The following SUCLG2 variants were observed in gnomAD, a reference collection of about 807,000 sequenced individuals.
The protein encoded by SUCLG2 is succinate--CoA ligase [GDP-forming] subunit beta, mitochondrial.
A neutral mutation model predicts 47.9 loss-of-function variants in SUCLG2; 42 were observed. That is an observed-to-expected ratio of 0.88 (90% CI 0.69 to 1.14). SUCLG2 has a LOEUF of 1.14. SUCLG2 is among the 50% of genes most tolerant of loss of function. The probability of loss-of-function intolerance (pLI) is 0.00; values close to 1 mark genes in which losing one functional copy is unlikely to be tolerated. For missense variants in SUCLG2, 571 were observed against 525.9 expected (o/e 1.09, Z -0.84); for synonymous variants, 195 against 197.3 (o/e 0.99, Z 0.10).
At chr3:67,386,491 T>G (rs1258421015) in intron 10 of SUCLG2, among the ~76,000 whole-genome samples, 1 of 152,092 alleles carries the variant, frequency 6.6e-6, no homozygotes, top group Non-Finnish European at 1.5e-5. Context: ...TATCCAACAC[T>G]GGGTAATTGA....
intron 2 of SUCLG2, among the ~76,000 whole-genome samples, chr3:67,574,430 T>C (rs989727292): frequency 3.9e-5 from 6 of 152,228 alleles, no homozygotes; most frequent in African/African-American, 1.2e-4. Context: ...CTTACATTTA[T>C]AGTCAATTGA....
At chr3:67,446,586 C>T (rs1333622529) in intron 9 of SUCLG2, among the ~76,000 whole-genome samples, 12 of 150,696 alleles carry the variant, frequency 8.0e-5, no homozygotes, top group East Asian at 3.9e-4. Context: ...CCTGCCACCA[C>T]GCCTGGCTAA....
chr3:67,470,835 G>T (rs1004157577), intron 9 of SUCLG2, among the ~76,000 whole-genome samples: 2 of 152,190 alleles, frequency 1.3e-5, no homozygotes, highest in African/African-American at 4.8e-5. Context: ...GTTCTCAGTT[G>T]CCACCACTTA....
At chr3:67,556,026 G>A (rs1048915332) in intron 2 of SUCLG2, among the ~76,000 whole-genome samples, 1 of 152,182 alleles carries the variant, frequency 6.6e-6, no homozygotes, top group Non-Finnish European at 1.5e-5. Flanking sequence ...CCTGATTCTG[G>A]CCATGTGGAG....
intron 2 of SUCLG2, among the ~76,000 whole-genome samples, chr3:67,601,579 G>A (rs1928564): frequency 0.39 from 58,627 of 151,946 alleles, 11,583 homozygotes; most frequent in Non-Finnish European, 0.41. Context: ...AATGGGGTGA[G>A]TCAAAGGCCC....
chr3:67,432,213 T>C (rs948366830), intron 9 of SUCLG2, among the ~76,000 whole-genome samples: 27 of 152,130 alleles, frequency 1.8e-4, no homozygotes, highest in African/African-American at 6.3e-4. Context: ...CCAGCAACAG[T>C]GGGTTGCTAG....
Position 67,610,508 on chromosome 3 carries a change from G to GAA in SUCLG2, c.85-914_85-913dup, listed in dbSNP as rs796945028. 9.6e-4 allele frequency among the ~76,000 whole-genome samples: 119 copies of GAA among 124,310 alleles called. 2 individuals are homozygous for GAA. The highest frequency in any genetic ancestry group is 2.8e-3 in the African/African-American group (97 of 34,170). 81.6% of individuals were successfully genotyped at this position (124,310 alleles called of 152,430 possible). A position where few individuals can be genotyped will look rare whatever the true frequency, so the allele number is the denominator to read the frequency against. On this transcript the variant is annotated intron_variant, in intron 1 of 10. Coordinates refer to ENST00000307227, the MANE Select transcript of SUCLG2 (RefSeq NM_003848.4). ...CTGTAAGCCCCATTTTTAAAAGAAG[G>GAA]AAAAAAAAAAAAAACCAGGAAAAAT...
intron 1 of SUCLG2, among the ~76,000 whole-genome samples, chr3:67,648,116 C>A (rs1375928510): frequency 6.6e-6 from 1 of 152,204 alleles, no homozygotes; most frequent in Non-Finnish European, 1.5e-5. Flanking sequence ...TTGTAACTAT[C>A]TGTGCAAATG....
intron 1 of SUCLG2, among the ~76,000 whole-genome samples, chr3:67,635,665 C>T (rs1700997704): frequency 1.3e-5 from 2 of 152,154 alleles, no homozygotes; most frequent in African/African-American, 4.8e-5. Context: ...CCCCCAGTTT[C>T]CCGCTGCTTA....
intron 10 of SUCLG2, among the ~76,000 whole-genome samples, chr3:67,395,397 A>G (rs1454930451): frequency 6.6e-6 from 1 of 152,248 alleles, no homozygotes; most frequent in African/African-American, 2.4e-5. Context: ...AACAGACTTT[A>G]AACCAACAAA....
intron 9 of SUCLG2, among the ~76,000 whole-genome samples, chr3:67,434,860 G>C (rs1287946449): frequency 6.6e-6 from 1 of 152,128 alleles, no homozygotes; most frequent in Admixed American, 6.5e-5. Flanking sequence ...ACCCAAAAGG[G>C]CTGGGTCAAG....
intron 10 of SUCLG2, among the ~76,000 whole-genome samples, chr3:67,364,487 G>A (rs771355813): frequency 2.6e-5 from 4 of 152,034 alleles, no homozygotes. Context: ...GTGGGGCCAT[G>A]AGGGAGTGCA....
chr3:67,368,216 TCTC>T (rs1360131728), intron 10 of SUCLG2, among the ~76,000 whole-genome samples: 1 of 152,190 alleles, frequency 6.6e-6, no homozygotes, highest in Non-Finnish European at 1.5e-5. Context: ...TAAAATTTCT[TCTC>T]CTCTGCATTT....
intron 9 of SUCLG2, among the ~76,000 whole-genome samples, chr3:67,441,194 G>A (rs985976395): frequency 3.3e-5 from 5 of 152,086 alleles, no homozygotes; most frequent in African/African-American, 1.2e-4. Context: ...CATGGACACA[G>A]GGAGGGGAAC....
chr3:67,529,964 C>T (rs1486461372), intron 2 of SUCLG2, among the ~76,000 whole-genome samples: 2 of 152,166 alleles, frequency 1.3e-5, no homozygotes, highest in African/African-American at 4.8e-5. Flanking sequence ...AGCTCCCCTC[C>T]CCAACCACCA....
intron 2 of SUCLG2, among the ~76,000 whole-genome samples, chr3:67,532,653 A>C (rs1706434318): frequency 6.6e-6 from 1 of 152,208 alleles, no homozygotes; most frequent in Non-Finnish European, 1.5e-5. Flanking sequence ...AATAGGAACC[A>C]GTTTATTAGA....
At chr3:67,407,926 T>A (rs1254313831) in intron 9 of SUCLG2, among the ~76,000 whole-genome samples, 1 of 152,168 alleles carries the variant, frequency 6.6e-6, no homozygotes, top group African/African-American at 2.4e-5. Flanking sequence ...GGAAAATAAA[T>A]GGTGAAGGAA....
At chr3:67,630,009 G>A (rs1700899095) in intron 1 of SUCLG2, among the ~76,000 whole-genome samples, 2 of 152,120 alleles carry the variant, frequency 1.3e-5, no homozygotes, top group African/African-American at 4.8e-5. Flanking sequence ...GATAAATTAT[G>A]TGGTACAGCC....
intron 2 of SUCLG2, among the ~76,000 whole-genome samples, chr3:67,548,394 C>T (rs1455043298): frequency 6.6e-6 from 1 of 152,218 alleles, no homozygotes; most frequent in African/African-American, 2.4e-5. Flanking sequence ...TGTCACATCT[C>T]TCAATCCAGC....
Sources: allele counts gnomAD v4.1 joint callset (sites outside exome capture counted in the v4.1 genomes callset), GRCh38; gene constraint gnomAD v4.1.1; transcripts MANE v1.5; gene names NCBI Gene and HGNC (gene_info 2026-07-23, HGNC 2026-07-21).